TRIM22: variants seen among roughly 807,000 people sequenced by gnomAD.
The protein encoded by TRIM22 is E3 ubiquitin-protein ligase TRIM22.
A neutral mutation model predicts 53.6 loss-of-function variants in TRIM22; 45 were observed. The observed-to-expected ratio is 0.84, with a 90% CI of 0.66 to 1.08. The LOEUF (loss-of-function observed/expected upper bound fraction) is 1.08, where lower values mean the gene tolerates loss of function less well. Ranked by LOEUF, TRIM22 falls within the 50% of genes least tolerant of loss-of-function variation. The pLI, the probability that TRIM22 is intolerant of heterozygous loss-of-function variation, is 0.00. For missense variants in TRIM22, 616 were observed against 590.9 expected (o/e 1.04, Z -0.44); for synonymous variants, 225 against 216.6 (o/e 1.04, Z -0.34).
intron 4 of TRIM22, among the ~76,000 whole-genome samples, chr11:5,705,052 T>C (rs1241917863): frequency 1.3e-5 from 2 of 152,184 alleles, no homozygotes; most frequent in Non-Finnish European, 2.9e-5. Context: ...TGAGGAACCA[T>C]CCCTACCCTG....
In TRIM22 at chr11:5,708,182, C is replaced by T; in HGVS notation, c.783C>T (p.Ser261=). 6.2e-7 allele frequency: 1 copy of T among 1,613,792 alleles called. No homozygotes were observed. Among genetic ancestry groups the T allele is most frequent in the Non-Finnish European group, 8.5e-7 (1 of 1,179,660 alleles). The change falls in exon 6 of 8, where the codon AGC becomes AGT. Residue 261 remains serine (S), a synonymous_variant. Coordinates refer to ENST00000379965, the MANE Select transcript of TRIM22 (RefSeq NM_006074.5). ...TTTTTGTTATCACTAGGAGTGAAAGCTGGACATTGAAGAAGCCAAAATCTG... is the reference window on the plus strand; with the variant it reads ...TTTTTGTTATCACTAGGAGTGAAAGTTGGACATTGAAGAAGCCAAAATCTG... ...DVIDVMKRSE[S]WTLKKPKSVS... is the part of the protein sequence containing the mutation.
intron 1 of TRIM22, among the ~76,000 whole-genome samples, chr11:5,693,653 C>T (rs1391763815): frequency 7.7e-6 from 1 of 130,120 alleles, no homozygotes; most frequent in Non-Finnish European, 1.5e-5. Flanking sequence ...ACCCGAGAGG[C>T]GGAGCTGGCA....
intron 1 of TRIM22, among the ~76,000 whole-genome samples, chr11:5,690,482 G>C (rs1853155714): frequency 6.6e-6 from 1 of 152,160 alleles, no homozygotes; most frequent in South Asian, 2.1e-4. Flanking sequence ...TGTGTGATGA[G>C]CTAGATAACT....
chr11:5,709,167 T>G lies in TRIM22; in HGVS notation c.1016T>G (p.Phe339Cys). The change falls in exon 8 of 8, where the codon TTT becomes TGT. Residue 339 changes from phenylalanine to cysteine, a missense_variant. Transcript: ENST00000379965. ...TTTAAGAATTCAAATCCATGTGATT[T>G]TTCTGCTTTTGGTGTCTTCGGCTGC... ...CTFKNSNPCD[F>C]SAFGVFGCQY... 6.2e-7 allele frequency: 1 copy of G among 1,614,168 alleles called. No individual in the cohort carries two copies. The highest frequency in any genetic ancestry group is 1.1e-5 in the South Asian group (1 of 91,084).
At chr11:5,700,886 T>C (rs1853364167) in intron 4 of TRIM22, among the ~76,000 whole-genome samples, 1 of 151,880 alleles carries the variant, frequency 6.6e-6, no homozygotes, top group African/African-American at 2.4e-5. Flanking sequence ...AACTTCCTCT[T>C]TATTCCTAGT....
At chr11:5,706,558 C>T in intron 4 of TRIM22, 36 bp from the exon 5 acceptor site, 1 of 1,608,390 alleles carries the variant, frequency 6.2e-7, no homozygotes, top group East Asian at 2.2e-5. Context: ...AATCTGGCAA[C>T]CCTATCTTGA....
At chr11:5,699,190 T>C (rs1853321625) in intron 4 of TRIM22, among the ~76,000 whole-genome samples, 1 of 152,212 alleles carries the variant, frequency 6.6e-6, no homozygotes, top group African/African-American at 2.4e-5. Flanking sequence ...CATGTCCTCA[T>C]ACAAACATGT....
chr11:5,697,996 C>T lies in TRIM22; in HGVS notation c.520-319C>T, dbSNP rs1853297453. ...GGGATTACAGGCATGAGCCACTGTG[C>T]CAGGCCAGGTAGAGGGATTTAAGAT... On this transcript the variant is annotated intron_variant, in intron 3 of 7. Transcript: ENST00000379965. The T allele has an allele frequency of 2.6e-5, 7 of 269,930 alleles. No homozygotes were observed. In the South Asian group the frequency reaches 2.8e-4, roughly 11 times the overall value. The allele number at this position is 269,930 out of a possible 1,614,324, so 16.7% of individuals were successfully genotyped here.
At chr11:5,689,947 A>G (rs7129909) in intron 1 of TRIM22, 48 bp downstream of exon 1, 48,108 of 152,136 alleles carry the variant, frequency 0.32, 7,681 homozygotes, top group South Asian at 0.44. Flanking sequence ...CTTTGAGAAG[A>G]ATAGATTGAT....
intron 1 of TRIM22, among the ~76,000 whole-genome samples, chr11:5,693,220 G>A (rs1419399484): frequency 9.0e-6 from 1 of 111,270 alleles, no homozygotes; most frequent in African/African-American, 3.4e-5. Context: ...GATTTAAATT[G>A]CACAGATAAA....
Position 5,696,659 on chromosome 11 carries a change from G to C in TRIM22, c.423+4G>C, listed in dbSNP as rs1478979339. ...CGAGGTGGTCAAGGAATGTCAGGTAGGCTCCAAGATAGAGGAAGAGAGAGC... is the reference window on the plus strand; with the variant it reads ...CGAGGTGGTCAAGGAATGTCAGGTACGCTCCAAGATAGAGGAAGAGAGAGC... On this transcript the variant is annotated splice_donor_region_variant and intron_variant, in intron 2 of 7. Coordinates refer to ENST00000379965, the MANE Select transcript of TRIM22 (RefSeq NM_006074.5). The C allele has an allele frequency of 6.2e-7, 1 of 1,604,690 alleles. No individual in the cohort carries two copies. The highest frequency in any genetic ancestry group is 1.7e-5 in the Admixed American group (1 of 59,850).
At chr11:5,702,662 C>T (rs1294292139) in intron 4 of TRIM22, among the ~76,000 whole-genome samples, 1 of 151,914 alleles carries the variant, frequency 6.6e-6, no homozygotes, top group Non-Finnish European at 1.5e-5. Context: ...AAGCTGTAAT[C>T]GCCCACTACA....
At chr11:5,709,028 C>G (rs772316118) in intron 7 of TRIM22, 25 bp from the exon 8 acceptor site, 27 of 1,577,996 alleles carry the variant, frequency 1.7e-5, no homozygotes, top group Non-Finnish European at 2.3e-5. Flanking sequence ...ATATCCTTCA[C>G]TTGACTTGGT....
chr11:5,698,580 T>C (rs1312148964), intron 4 of TRIM22, 35 bp downstream of exon 4: 32 of 1,548,022 alleles, frequency 2.1e-5, no homozygotes, highest in Non-Finnish European at 2.5e-5. Context: ...CGTAAGAGAT[T>C]AGGGGAAAAA....
chr11:5,691,101 T>G (rs539181869), intron 1 of TRIM22: 1 of 152,234 alleles, frequency 6.6e-6, no homozygotes, highest in African/African-American at 2.4e-5. Context: ...ACAGGGAACT[T>G]GTTCTTCTGA....
intron 4 of TRIM22, among the ~76,000 whole-genome samples, chr11:5,706,151 A>G (rs977960248): frequency 6.6e-6 from 1 of 152,208 alleles, no homozygotes; most frequent in African/African-American, 2.4e-5. Flanking sequence ...ATGTATAAAA[A>G]TATTAGAGCT....
At chr11:5,692,354 T>A (rs918580210) in intron 1 of TRIM22, among the ~76,000 whole-genome samples, 4 of 152,222 alleles carry the variant, frequency 2.6e-5, no homozygotes, top group African/African-American at 9.6e-5. Flanking sequence ...TAAGAACTGA[T>A]GAACTAACTG....
rs778778370 is a variant in TRIM22, at chr11:5,698,490, C to T, written c.695C>T (p.Thr232Met). 6.9e-5 allele frequency: 111 copies of T among 1,613,856 alleles called. No homozygotes were observed. The highest frequency in any genetic ancestry group is 1.1e-4 in the East Asian group (5 of 44,888). ...QLVQQRQDAS[T>M]LISDLQRRLR... ...GTCCAGCAGAGGCAGGATGCCAGCACGCTCATCTCAGATCTCCAGCGGAGG... is the reference window on the plus strand; with the variant it reads ...GTCCAGCAGAGGCAGGATGCCAGCATGCTCATCTCAGATCTCCAGCGGAGG... Residue 232 changes from threonine (T) to methionine (M), a missense_variant, in exon 4 of 8, where the codon ACG becomes ATG. Thr to Met is a moderately conservative substitution (Grantham distance 81). Coordinates refer to ENST00000379965, the MANE Select transcript of TRIM22 (RefSeq NM_006074.5).
intron 4 of TRIM22, among the ~76,000 whole-genome samples, chr11:5,701,525 TAGATATTTGCC>T (rs1480113826): frequency 6.6e-6 from 1 of 152,228 alleles, no homozygotes; most frequent in Non-Finnish European, 1.5e-5. Context: ...TTGAGAAGAA[TAGATATTTGCC>T]TTTAGATGGA....
Sources: allele counts gnomAD v4.1 joint callset (sites outside exome capture counted in the v4.1 genomes callset), GRCh38; gene constraint gnomAD v4.1.1; transcripts MANE v1.5; gene names NCBI Gene and HGNC (gene_info 2026-07-23, HGNC 2026-07-21).